Variants in NEIL3 observed in about 807,000 individuals in gnomAD.
The protein encoded by NEIL3 is endonuclease 8-like 3.
Under a neutral mutation model 57.5 loss-of-function variants are expected in NEIL3, and 48 were observed. The observed-to-expected ratio is 0.83, with a 90% CI of 0.66 to 1.06. The LOEUF is 1.06. NEIL3 is among the 50% of genes least tolerant of loss of function. The pLI is 0.00. For synonymous variants in NEIL3, 261 were observed against 253.2 expected (o/e 1.03, Z -0.29); for missense variants, 717 against 739.1 (o/e 0.97, Z 0.35).
At chr4:177,314,933 T>C (rs1057305416) in intron 1 of NEIL3, among the ~76,000 whole-genome samples, 1 of 150,996 alleles carries the variant, frequency 6.6e-6, no homozygotes, top group Non-Finnish European at 1.5e-5. Flanking sequence ...AAAAATTAGC[T>C]TGGTGGACGC....
rs150006122 is a variant in NEIL3 at position 177,336,249 on chromosome 4, C to T, written c.555C>T (p.Asn185=). Residue 185 remains asparagine, a synonymous_variant, in exon 4 of 10, where the codon AAC becomes AAT. Coordinates refer to ENST00000264596, the MANE Select transcript of NEIL3 (RefSeq NM_018248.3). ...RMLGDVLMDQ[N]VLPGVGNIIK... is the part of the protein sequence containing the mutation. ...TAGGTGATGTGCTAATGGATCAGAA[C>T]GTATTGCCTGGAGTAGGGAACATCA... 54 of 1,614,078 alleles carry T rather than the reference C, an allele frequency of 3.3e-5. No homozygotes were observed. Among genetic ancestry groups the T allele is most frequent in the African/African-American group, 3.3e-4 (25 of 74,932 alleles).
chr4:177,333,344 T>C (rs1734915942), intron 2 of NEIL3, among the ~76,000 whole-genome samples: 1 of 152,210 alleles, frequency 6.6e-6, no homozygotes, highest in Non-Finnish European at 1.5e-5. Context: ...CTAGTTTCTT[T>C]AGGAAGATAT....
chr4:177,364,523 C>A (rs1735667266), downstream of NEIL3, among the ~76,000 whole-genome samples: 1 of 152,206 alleles, frequency 6.6e-6, no homozygotes, highest in South Asian at 2.1e-4. Context: ...AGGGGGAAAT[C>A]TCAGAAAGGA....
At chr4:177,362,081 G>A (rs950995680) in intron 9 of NEIL3, among the ~76,000 whole-genome samples, 7 of 152,112 alleles carry the variant, frequency 4.6e-5, no homozygotes, top group African/African-American at 9.7e-5. Flanking sequence ...CATTTTCTGC[G>A]TGATTCAAAC....
At chr4:177,364,494 C>G (rs1579013036), downstream of NEIL3, among the ~76,000 whole-genome samples, 1 of 152,144 alleles carries the variant, frequency 6.6e-6, no homozygotes, top group African/African-American at 2.4e-5. Flanking sequence ...ATTTTGGCAG[C>G]CACAGCCACT....
At chr4:177,356,013 C>T (rs1189601665) in intron 8 of NEIL3, among the ~76,000 whole-genome samples, 1 of 152,198 alleles carries the variant, frequency 6.6e-6, no homozygotes, top group Non-Finnish European at 1.5e-5. Context: ...ATTAGTGCCT[C>T]ATGATAGAAG....
At chr4:177,357,291 C>T (rs1171914385) in intron 8 of NEIL3, among the ~76,000 whole-genome samples, 1 of 152,134 alleles carries the variant, frequency 6.6e-6, no homozygotes, top group African/African-American at 2.4e-5. Flanking sequence ...CAACCATAGG[C>T]TTGTGGGCTG....
chr4:177,336,326 G>A lies in NEIL3; in HGVS notation c.627+5G>A. The stretch of plus-strand genomic sequence containing the variant: ...GGTCTCCACCCAGCTGTTAAAGTAA[G>A]TTTTAAGTATTTTTTTAATTATCTG... On this transcript the variant is annotated splice_donor_5th_base_variant and intron_variant, in intron 4 of 9. Transcript: ENST00000264596. 1 of 1,609,684 alleles carries A rather than the reference G, an allele frequency of 6.2e-7. No individual in the cohort carries two copies. The highest frequency in any genetic ancestry group is 1.1e-5 in the South Asian group (1 of 90,282).
At chr4:177,314,626 TTAGTC>T (rs1734538885) in intron 1 of NEIL3, among the ~76,000 whole-genome samples, 3 of 152,106 alleles carry the variant, frequency 2.0e-5, no homozygotes, top group Admixed American at 2.0e-4. Context: ...TACAAAGTCT[TTAGTC>T]TGAGTAAGTG....
intron 5 of NEIL3, among the ~76,000 whole-genome samples, chr4:177,341,162 GT>G (rs1301060767): frequency 6.6e-6 from 1 of 151,948 alleles, no homozygotes; most frequent in Non-Finnish European, 1.5e-5. Context: ...AGCCTTAAAA[GT>G]GTAAAAGACA....
chr4:177,359,532 G>GT (rs201862869), intron 8 of NEIL3, among the ~76,000 whole-genome samples: 127 of 151,144 alleles, frequency 8.4e-4, no homozygotes, highest in East Asian at 6.8e-3. Flanking sequence ...TGATTTTTAA[G>GT]TTTTTTTTTA....
In NEIL3 at chr4:177,309,877, G is replaced by T. The variant is rs530044115; in HGVS notation, c.-77G>T. The T allele has an allele frequency of 3.3e-6, 5 of 1,526,156 alleles. No individual in the cohort carries two copies. The highest frequency in any genetic ancestry group is 4.4e-5 in the Admixed American group (2 of 45,526). The allele number at this position is 1,526,156 out of a possible 1,614,324, so 94.5% of individuals were successfully genotyped here. A position where few individuals can be genotyped will look rare whatever the true frequency, so the allele number is the denominator to read the frequency against. On this transcript the variant is annotated 5_prime_UTR_variant, in exon 1 of 10. Transcript: ENST00000264596. ...TGAATTTCCTCTGCGTGCGGTCAGTGCCCGCGCAGCGTTGAGTTGCACAGC... is the reference window on the plus strand; with the variant it reads ...TGAATTTCCTCTGCGTGCGGTCAGTTCCCGCGCAGCGTTGAGTTGCACAGC...
intron 2 of NEIL3, among the ~76,000 whole-genome samples, chr4:177,329,314 T>C (rs1377362673): frequency 3.9e-5 from 6 of 152,188 alleles, no homozygotes; most frequent in Middle Eastern, 3.5e-3. Context: ...CAGAAATTAA[T>C]TGAATAAAAA....
chr4:177,347,095 A>G (rs1015476775), intron 6 of NEIL3, among the ~76,000 whole-genome samples: 14 of 152,192 alleles, frequency 9.2e-5, no homozygotes, highest in African/African-American at 2.9e-4. Flanking sequence ...TCTCAAGAAC[A>G]TGAGCCACAG....
intron 8 of NEIL3, among the ~76,000 whole-genome samples, chr4:177,355,732 A>G (rs560680581): frequency 9.9e-5 from 15 of 152,224 alleles, no homozygotes; most frequent in East Asian, 9.7e-4. Context: ...TCCTAGAGCA[A>G]CCTGTAGGAA....
intron 6 of NEIL3, chr4:177,343,493 G>A (rs1735140840): frequency 6.6e-6 from 1 of 152,440 alleles, no homozygotes; most frequent in Non-Finnish European, 1.5e-5. Flanking sequence ...CCCGGGAGGT[G>A]GGAAGTGCGG....
chr4:177,340,533 A>G (rs1735071827), intron 5 of NEIL3, among the ~76,000 whole-genome samples: 1 of 152,194 alleles, frequency 6.6e-6, no homozygotes, highest in Non-Finnish European at 1.5e-5. Flanking sequence ...GTATTGTAGT[A>G]TTCTTTATTA....
intron 4 of NEIL3, among the ~76,000 whole-genome samples, chr4:177,336,605 CAT>C (rs1318983782): frequency 2.0e-5 from 3 of 152,116 alleles, no homozygotes; most frequent in African/African-American, 7.2e-5. Flanking sequence ...CCCTTTCAAA[CAT>C]AACATATTTA....
At chr4:177,345,449 G>T (rs1462194091) in intron 6 of NEIL3, among the ~76,000 whole-genome samples, 1 of 135,134 alleles carries the variant, frequency 7.4e-6, no homozygotes, top group Non-Finnish European at 1.6e-5. Flanking sequence ...ATTTAGTGCT[G>T]TCTGCAAACC....
Sources: allele counts gnomAD v4.1 joint callset (sites outside exome capture counted in the v4.1 genomes callset), GRCh38; gene constraint gnomAD v4.1.1; transcripts MANE v1.5; gene names NCBI Gene and HGNC (gene_info 2026-07-23, HGNC 2026-07-21).